LRBA: variants seen among roughly 807,000 people sequenced by gnomAD.
The protein encoded by LRBA is LPS responsive beige-like anchor protein.
Under a neutral mutation model 330.0 loss-of-function variants are expected in LRBA, and 176 were observed. The ratio of observed to expected loss-of-function variants is 0.53; its 90% CI spans 0.47 to 0.60. The LOEUF is 0.60. Among genes scored for constraint, LRBA ranks in the 20% least tolerant of loss-of-function variants. The pLI is 0.00. For missense variants in LRBA, 3,259 were observed against 3,444.8 expected, an observed-to-expected ratio of 0.95 and a Z score of 1.35; for synonymous variants, 1,230 against 1,193.0, an observed-to-expected ratio of 1.03 and a Z score of -0.64.
At chr4:150,836,880 T>G (rs1748180931) in intron 28 of LRBA, among the ~76,000 whole-genome samples, 1 of 152,234 alleles carries the variant, frequency 6.6e-6, no homozygotes, top group African/African-American at 2.4e-5. Context: ...ATTTTAATTG[T>G]GATGTTAGGG....
Position 150,435,689 on chromosome 4 carries a change from A to T in LRBA, c.6941T>A (p.Phe2314Tyr), listed in dbSNP as rs753022785. ...LLRIEPFTTY[F>Y]LNLQGGKFDH... ...AAATTTGCCTCCTTGCAAATTTAGGAAATAAGTTGTAAAGGGTTCCTAAAA... is the reference window on the plus strand; with the variant it reads ...AAATTTGCCTCCTTGCAAATTTAGGTAATAAGTTGTAAAGGGTTCCTAAAA... Residue 2314 changes from phenylalanine (F) to tyrosine (Y), a missense_variant, in exon 46 of 57, where the codon TTC becomes TAC. Phe to Tyr is a conservative substitution (Grantham distance 22). Transcript: ENST00000651943. 6 of 1,610,548 alleles carry T rather than the reference A, an allele frequency of 3.7e-6. No homozygotes were observed. Among genetic ancestry groups the T allele is most frequent in the Middle Eastern group, 1.7e-4 (1 of 5,746 alleles).
At chr4:150,980,708 G>A (rs565503616) in intron 2 of LRBA, among the ~76,000 whole-genome samples, 10 of 152,090 alleles carry the variant, frequency 6.6e-5, no homozygotes, top group Non-Finnish European at 1.2e-4. Context: ...TCCCTTGTTT[G>A]CATATGATAT....
intron 15 of LRBA, among the ~76,000 whole-genome samples, chr4:150,897,317 G>A (rs2127119641): frequency 6.6e-6 from 1 of 151,980 alleles, no homozygotes; most frequent in Admixed American, 6.6e-5. Flanking sequence ...AATGAAAAGG[G>A]ACAAAATGTG....
intron 36 of LRBA, among the ~76,000 whole-genome samples, chr4:150,711,125 G>C (rs2127036758): frequency 6.6e-6 from 1 of 152,038 alleles, no homozygotes; most frequent in East Asian, 1.9e-4. Flanking sequence ...TTATTAACTA[G>C]AGGGCAGTGA....
At chr4:150,608,963 T>C (rs970485490) in intron 37 of LRBA, among the ~76,000 whole-genome samples, 2 of 152,244 alleles carry the variant, frequency 1.3e-5, no homozygotes, top group Non-Finnish European at 2.9e-5. Flanking sequence ...GAATGATATT[T>C]CATTGTGTAG....
intron 30 of LRBA, among the ~76,000 whole-genome samples, chr4:150,819,241 G>GA (rs1245663866): frequency 6.6e-6 from 1 of 150,640 alleles, no homozygotes; most frequent in Non-Finnish European, 1.5e-5. Flanking sequence ...ATTTATGGTA[G>GA]AAAAAAATCA....
chr4:150,919,245 T>G (rs1732978476), intron 5 of LRBA, among the ~76,000 whole-genome samples: 1 of 152,168 alleles, frequency 6.6e-6, no homozygotes, highest in African/African-American at 2.4e-5. Flanking sequence ...ATGGGGTTTC[T>G]TTTGGGTGTG....
chr4:150,348,817 A>G (rs1736754895), intron 48 of LRBA, among the ~76,000 whole-genome samples: 1 of 152,190 alleles, frequency 6.6e-6, no homozygotes, highest in Non-Finnish European at 1.5e-5. Context: ...CAATAAAACT[A>G]TGCAGTGTTT....
chr4:150,334,280 C>T (rs1169829673), intron 48 of LRBA, among the ~76,000 whole-genome samples: 1 of 151,894 alleles, frequency 6.6e-6, no homozygotes, highest in Non-Finnish European at 1.5e-5. Context: ...ATTTAAAACT[C>T]AAGCAGATAA....
chr4:150,602,602 G>C (rs958104829), intron 37 of LRBA, among the ~76,000 whole-genome samples: 1 of 152,060 alleles, frequency 6.6e-6, no homozygotes, highest in African/African-American at 2.4e-5. Context: ...GGCCGGCTTT[G>C]TCATTTTAAA....
At chr4:150,566,381 C>T (rs1048586489) in intron 40 of LRBA, among the ~76,000 whole-genome samples, 3 of 152,018 alleles carry the variant, frequency 2.0e-5, no homozygotes, top group Non-Finnish European at 4.4e-5. Context: ...ATGATACTTT[C>T]ATGACCTCTG....
chr4:150,506,741 G>GAGAA (rs1203557012), intron 40 of LRBA, among the ~76,000 whole-genome samples: 1 of 152,188 alleles, frequency 6.6e-6, no homozygotes, highest in Non-Finnish European at 1.5e-5. Flanking sequence ...AATCCGTCAG[G>GAGAA]AGAAAGAAAG....
chr4:150,850,595 A>T, intron 24 of LRBA, 129 bp downstream of exon 24: 2 of 516,822 alleles, frequency 3.9e-6, no homozygotes, highest in Non-Finnish European at 6.6e-6. Flanking sequence ...GTAAAACCCT[A>T]CCATAGAATA....
In LRBA at chr4:151,015,250, C is replaced by G. The variant is rs1489722946; in HGVS notation, c.-268G>C. 1 of 152,938 alleles carries G rather than the reference C, an allele frequency of 6.5e-6. No individual in the cohort carries two copies. Among genetic ancestry groups the G allele is most frequent in the Non-Finnish European group, 1.5e-5 (1 of 68,710 alleles). The allele number at this position is 152,938 out of a possible 1,614,324, so 9.5% of individuals were successfully genotyped here. A position where few individuals can be genotyped will look rare whatever the true frequency, so the allele number is the denominator to read the frequency against. ...ACCCCCCGCCCAGGAGCAGCGAGAC[C>G]GAGGTGGCGGCGGAGATCCAGGGCA... On this transcript the variant is annotated 5_prime_UTR_variant, in exon 1 of 57. Coordinates refer to ENST00000651943, the MANE Select transcript of LRBA (RefSeq NM_001364905.1).
At chr4:150,848,580 A>T (rs1309979215) in intron 26 of LRBA, among the ~76,000 whole-genome samples, 1 of 137,094 alleles carries the variant, frequency 7.3e-6, no homozygotes, top group Non-Finnish European at 1.6e-5. Flanking sequence ...AAAAAAAAAA[A>T]GATAGGGGAG....
At chr4:150,526,174 T>C (rs1465093030) in intron 40 of LRBA, among the ~76,000 whole-genome samples, 1 of 152,198 alleles carries the variant, frequency 6.6e-6, no homozygotes, top group Non-Finnish European at 1.5e-5. Context: ...TACATTCCTT[T>C]TGTACAGAGA....
intron 13 of LRBA, 124 bp from the exon 14 acceptor site, chr4:150,900,341 T>C: frequency 1.6e-6 from 1 of 616,202 alleles, no homozygotes; most frequent in Non-Finnish European, 2.8e-6. Context: ...AGCCTGATAA[T>C]AATATCCATA....
intron 48 of LRBA, among the ~76,000 whole-genome samples, chr4:150,349,615 A>G (rs1736869479): frequency 6.6e-6 from 1 of 152,206 alleles, no homozygotes; most frequent in African/African-American, 2.4e-5. Context: ...CTTAGGTATT[A>G]CATATAAATA....
chr4:150,979,481 C>T (rs1740593332), intron 2 of LRBA, among the ~76,000 whole-genome samples: 1 of 152,048 alleles, frequency 6.6e-6, no homozygotes, highest in African/African-American at 2.4e-5. Flanking sequence ...CAACAGTAAG[C>T]ATACAGAAAA....
Sources: allele counts gnomAD v4.1 joint callset (sites outside exome capture counted in the v4.1 genomes callset), GRCh38; gene constraint gnomAD v4.1.1; transcripts MANE v1.5; gene names NCBI Gene and HGNC (gene_info 2026-07-23, HGNC 2026-07-21).